LAMA4: variants seen among roughly 807,000 people sequenced by gnomAD.
LAMA4 encodes laminin subunit alpha 4, also known as laminin subunit alpha-4.
A neutral mutation model predicts 207.1 loss-of-function variants in LAMA4; 127 were observed. That is an observed-to-expected ratio of 0.61 (90% CI 0.53 to 0.71). LAMA4 has a LOEUF of 0.71. Among genes scored for constraint, LAMA4 ranks in the 30% least tolerant of loss-of-function variants. The pLI, the probability that LAMA4 is intolerant of heterozygous loss-of-function variation, is 0.00. For synonymous variants in LAMA4, 761 were observed against 816.0 expected (o/e 0.93, Z 1.15); for missense variants, 2,093 against 2,246.5 (o/e 0.93, Z 1.38).
At chr6:112,121,310 A>G (rs1449878161) in intron 32 of LAMA4, among the ~76,000 whole-genome samples, 1 of 152,238 alleles carries the variant, frequency 6.6e-6, no homozygotes, top group Non-Finnish European at 1.5e-5. Context: ...GCTATGGATA[A>G]GATACATTTA....
chr6:112,213,954 A>G (rs782600156), intron 3 of LAMA4: 7 of 696,848 alleles, frequency 1.0e-5, no homozygotes, highest in Non-Finnish European at 1.9e-5. Flanking sequence ...AACACTGGTC[A>G]TGACAGTGAG....
rs1270875665 is a variant in LAMA4 at position 112,234,724 on chromosome 6, A to G, written c.196-18255T>C. 3.9e-5 allele frequency: 6 copies of G among 152,204 alleles called. No homozygotes were observed. In the East Asian group the frequency reaches 1.2e-3, roughly 29 times the overall value. The allele number at this position is 152,204 out of a possible 1,614,324, so 9.4% of individuals were successfully genotyped here. ...GGAAGAGAAGACAAAAAATGTGCTA[A>G]GAAAAAAATAACAGAATGCTTATTT... On this transcript the variant is annotated intron_variant, in intron 2 of 38. Transcript: ENST00000230538.
intron 2 of LAMA4, chr6:112,251,554 A>C (rs538814131): frequency 5.9e-5 from 9 of 152,386 alleles, no homozygotes; most frequent in African/African-American, 2.2e-4. Flanking sequence ...TCTCCCATGA[A>C]TAATGTGTCC....
In LAMA4 at chr6:112,132,851, C is replaced by T; in HGVS notation, c.3736G>A (p.Ala1246Thr). 6.2e-7 allele frequency: 1 copy of T among 1,613,054 alleles called. No individual in the cohort carries two copies. The highest frequency in any genetic ancestry group is 2.2e-5 in the East Asian group (1 of 44,860). ...AAGAAAGATATTTTCTGAATTGAAG[C>T]AATGAAGCTCTGTCCATTGAAATAT... ...RAYFNGQSFI[A>T]SIQKISFFDG... Residue 1246 changes from alanine (A) to threonine (T), a missense_variant, in exon 28 of 39, where the codon GCT becomes ACT. Physicochemically the swap from Ala to Thr is moderately conservative, Grantham distance 58. Transcript: ENST00000230538.
intron 13 of LAMA4, among the ~76,000 whole-genome samples, chr6:112,162,803 T>G (rs1554338747): frequency 6.6e-6 from 1 of 152,018 alleles, no homozygotes; most frequent in African/African-American, 2.4e-5. Context: ...GGAGGTATAA[T>G]TGTGTATTCA....
chr6:112,155,306 AT>A lies in LAMA4; in HGVS notation c.1959+258del, dbSNP rs533537554. On this transcript the variant is annotated intron_variant, in intron 15 of 38. Coordinates refer to ENST00000230538, the MANE Select transcript of LAMA4 (RefSeq NM_001105206.3). The stretch of plus-strand genomic sequence containing the variant: ...CAGCAAGAACTAATTTTAAATACAT[AT>A]TTTTTTTTTCAGGGACTTTGGCTAA... 2.4e-3 allele frequency: 1,261 copies of A among 519,058 alleles called. 1 individual carries two copies. The highest frequency in any genetic ancestry group is 3.9e-3 in the East Asian group (117 of 30,078). The allele number at this position is 519,058 out of a possible 1,614,324, so 32.2% of individuals were successfully genotyped here. A position where few individuals can be genotyped will look rare whatever the true frequency, so the allele number is the denominator to read the frequency against.
Position 112,139,304 on chromosome 6 carries a change from C to T in LAMA4, c.3111-13G>A, listed in dbSNP as rs781866668. The T allele has an allele frequency of 6.2e-7, 1 of 1,614,056 alleles. No homozygotes were observed. On this transcript the variant is annotated splice_polypyrimidine_tract_variant and intron_variant, in intron 23 of 38. Transcript: ENST00000230538. ...GGCCAGCTTATCTCTGAAATGGAAA[C>T]ACAACGGTCATTTGAACACTACAGT...
Position 112,122,154 on chromosome 6 carries a change from T to A in LAMA4, c.4335A>T (p.Lys1445Asn). 1 of 1,613,332 alleles carries A rather than the reference T, an allele frequency of 6.2e-7. No homozygotes were observed. ...TTCTTGGAGTATTCCGCTCTGGGAGTTTCAGAGCAACAGGATCCCATGAAG... is the reference window on the plus strand; with the variant it reads ...TTCTTGGAGTATTCCGCTCTGGGAGATTCAGAGCAACAGGATCCCATGAAG... ...DAPSWDPVAL[K>N]LPERNTPRNS... Residue 1445 changes from lysine to asparagine, a missense_variant, in exon 32 of 39, where the codon AAA becomes AAT. Physicochemically the swap from Lys to Asn is moderately conservative, Grantham distance 94. This residue lies in a region of LAMA4 where 1,704 missense variants were observed against 1,788.4 expected (regional missense o/e 0.95). Transcript: ENST00000230538.
At chr6:112,217,771 C>A (rs1439678446) in intron 2 of LAMA4, 1 of 152,134 alleles carries the variant, frequency 6.6e-6, no homozygotes, top group East Asian at 1.9e-4. Flanking sequence ...AAGAGAAGAT[C>A]AATTTATAAT....
intron 21 of LAMA4, 146 bp downstream of exon 21, chr6:112,141,212 G>A (rs1283620247): frequency 1.8e-5 from 16 of 886,164 alleles, no homozygotes; most frequent in East Asian, 7.3e-5. Context: ...GGAAGAAAAC[G>A]GAGCAAGAAT....
At chr6:112,143,054 A>G (rs1312095665) in intron 19 of LAMA4, among the ~76,000 whole-genome samples, 1 of 152,208 alleles carries the variant, frequency 6.6e-6, no homozygotes, top group Non-Finnish European at 1.5e-5. Flanking sequence ...AAGAGGCCCA[A>G]TATGATATGC....
In LAMA4 at chr6:112,155,683, T is replaced by C; in HGVS notation, c.1841A>G (p.Asn614Ser). Residue 614 changes from asparagine to serine, a missense_variant, in exon 15 of 39, where the codon AAC becomes AGC. Coordinates refer to ENST00000230538, the MANE Select transcript of LAMA4 (RefSeq NM_001105206.3). ...ATCCAAAGCCTTCTGTACCAGCCCG[T>C]TCATATCTGAACTGTGCAACTTCCT... is the stretch of plus-strand genomic sequence containing the variant. ...LSRKLHSSDM[N>S]GLVQKALDAS... The C allele has an allele frequency of 6.2e-7, 1 of 1,614,158 alleles. No individual in the cohort carries two copies.
At chr6:112,241,162 A>AATATATAGGAATATATATATGAAT (rs1562102152) in intron 2 of LAMA4, among the ~76,000 whole-genome samples, 42 of 55,544 alleles carry the variant, frequency 7.6e-4, no homozygotes, top group Non-Finnish European at 1.4e-3. Context: ...TATATATATG[A>AATATATAGGAATATATATATGAAT]ATATATATGA....
chr6:112,117,611 G>T lies in LAMA4; in HGVS notation c.4981+128C>A. ...CAGGAGGGAGAAAGGTGGTTCTTGT[G>T]GGAAGAGGTCATCTTCTAGGGCTGA... On this transcript the variant is annotated intron_variant, in intron 35 of 38. Coordinates refer to ENST00000230538, the MANE Select transcript of LAMA4 (RefSeq NM_001105206.3). This position sits in a 1 kb window ranked among gnomAD's most constrained non-coding sequence, Gnocchi z 4.5. The T allele has an allele frequency of 1.1e-6, 1 of 872,854 alleles. No individual in the cohort carries two copies. Among genetic ancestry groups the T allele is most frequent in the Non-Finnish European group, 1.9e-6 (1 of 528,630 alleles). The allele number at this position is 872,854 out of a possible 1,614,324, so 54.1% of individuals were successfully genotyped here.
intron 12 of LAMA4, among the ~76,000 whole-genome samples, chr6:112,168,862 G>A (rs116460492): frequency 0.022 from 3,349 of 152,242 alleles, 127 homozygotes; most frequent in African/African-American, 0.074. Context: ...AGTAGGCGAG[G>A]CACTCTACAG....
chr6:112,204,709 G>A (rs3777927), intron 4 of LAMA4, among the ~76,000 whole-genome samples: 9,356 of 152,214 alleles, frequency 0.061, 336 homozygotes, highest in East Asian at 0.15. Flanking sequence ...ATACCAAGAC[G>A]GAGTGAAGGG....
At chr6:112,127,547 T>G (rs1051678259) in intron 31 of LAMA4, among the ~76,000 whole-genome samples, 2 of 152,002 alleles carry the variant, frequency 1.3e-5, no homozygotes, top group Non-Finnish European at 2.9e-5. Flanking sequence ...TAGGAGGAGA[T>G]GAACTCAGGG....
intron 16 of LAMA4, chr6:112,154,647 C>G (rs1291388728): frequency 1.7e-6 from 1 of 585,510 alleles, no homozygotes; most frequent in African/African-American, 2.1e-5. Flanking sequence ...ATGTAGTTTA[C>G]TACATAGCAT....
chr6:112,150,753 C>T (rs1165425800), intron 16 of LAMA4, 126 bp from the exon 17 acceptor site: 3 of 758,062 alleles, frequency 4.0e-6, no homozygotes, highest in Non-Finnish European at 7.2e-6. Flanking sequence ...ATTCTGAATA[C>T]TCTGAACATA....
Sources: allele counts gnomAD v4.1 joint callset (sites outside exome capture counted in the v4.1 genomes callset), GRCh38; gene constraint gnomAD v4.1.1; regional missense constraint gnomAD v4.1.1; non-coding constraint Gnocchi (gnomAD v3.1); transcripts MANE v1.5; gene names NCBI Gene and HGNC (gene_info 2026-07-23, HGNC 2026-07-21).